TOR1AIP2: variants seen among roughly 807,000 people sequenced by gnomAD.
The protein encoded by TOR1AIP2 is torsin-1A-interacting protein 2.
In TOR1AIP2, 20 loss-of-function variants were observed where a neutral mutation model predicts 32.6. That is an observed-to-expected ratio of 0.61 (90% confidence interval 0.43 to 0.89). The LOEUF (loss-of-function observed/expected upper bound fraction) is 0.89, where lower values mean the gene tolerates loss of function less well. Ranked by LOEUF, TOR1AIP2 falls within the 40% of genes least tolerant of loss-of-function variation. The pLI is 0.00. For missense variants in TOR1AIP2, 456 were observed against 553.8 expected, an observed-to-expected ratio of 0.82 and a Z score of 1.77; for synonymous variants, 214 against 210.8, an observed-to-expected ratio of 1.02 and a Z score of -0.13.
intron 3 of TOR1AIP2, chr1:179,859,256 C>T (rs1019055324): frequency 2.3e-6 from 2 of 861,986 alleles, no homozygotes; most frequent in Non-Finnish European, 2.8e-6. Context: ...TTTATTAACT[C>T]GTTTAATCTT....
intron 3 of TOR1AIP2, among the ~76,000 whole-genome samples, chr1:179,854,822 G>A (rs1696238151): frequency 1.3e-5 from 2 of 152,180 alleles, no homozygotes; most frequent in South Asian, 4.1e-4. Context: ...AGTGAGCCCA[G>A]ATTGCACCAC....
At position 179,843,584 on chromosome 1, in the gene TOR1AIP2, C is replaced by T. The variant is rs190440862; in HGVS notation, c.*2487G>A. 7.4e-5 allele frequency: 11 copies of T among 148,576 alleles called. No individual in the cohort carries two copies. In the East Asian group the frequency reaches 1.4e-3, roughly 19 times the overall value. 9.2% of individuals were successfully genotyped at this position (148,576 alleles called of 1,614,324 possible). A position where few individuals can be genotyped will look rare whatever the true frequency, so the allele number is the denominator to read the frequency against. On this transcript the variant is annotated 3_prime_UTR_variant, in exon 7 of 7. Coordinates refer to ENST00000609928, the MANE Select transcript of TOR1AIP2 (RefSeq NM_001199260.2). ...CATCTGTAATCCAAACACTTTGGGA[C>T]GCTGAGGTGGGAGGATCACTTGAGG...
Position 179,846,796 on chromosome 1 carries a change from C to A in TOR1AIP2, c.688G>T (p.Val230Phe). 1.2e-6 allele frequency: 2 copies of A among 1,606,380 alleles called. No homozygotes were observed. Reference protein sequence around the residue: ...PVILVVLVVAVVASSVNSYYS... With the variant: ...PVILVVLVVAFVASSVNSYYS... Reference sequence around the variant, plus strand: ...TAGCTATTCACAGAACTTGCCACAACAGCCACAACCAGGACGACAAGAATC... The same window carrying A: ...TAGCTATTCACAGAACTTGCCACAAAAGCCACAACCAGGACGACAAGAATC... Residue 230 changes from valine to phenylalanine, a missense_variant, in exon 7 of 7, where the codon GTT (valine) becomes TTT (phenylalanine). Physicochemically the swap from Val to Phe is conservative, Grantham distance 50. Coordinates refer to ENST00000609928, the MANE Select transcript of TOR1AIP2 (RefSeq NM_001199260.2).
chr1:179,859,512 A>C (rs1696430903), intron 3 of TOR1AIP2: 1 of 985,296 alleles, frequency 1.0e-6, no homozygotes, highest in African/African-American at 1.7e-5. Flanking sequence ...ACTCCAGTAC[A>C]TATGACCTGA....
intron 3 of TOR1AIP2, chr1:179,862,221 CTGA>C: frequency 1.0e-6 from 1 of 982,320 alleles, no homozygotes; most frequent in Non-Finnish European, 1.2e-6. Flanking sequence ...CTCTATTTTG[CTGA>C]TATTTAAATT....
intron 6 of TOR1AIP2, 105 bp from the exon 7 acceptor site, chr1:179,846,933 G>A: frequency 8.1e-7 from 1 of 1,231,772 alleles, no homozygotes; most frequent in Non-Finnish European, 1.1e-6. Flanking sequence ...GGTTTTACTA[G>A]GAGCAATAAG....
Position 179,859,619 on chromosome 1 carries a change from A to T in TOR1AIP2, c.-147+5817T>A, listed in dbSNP as rs577883591. The stretch of plus-strand genomic sequence containing the variant: ...AATTTGTTTATTTCAGTGTTGTGGA[A>T]AGTCTCAGGTGATAAAAGTCATACA... On this transcript the variant is annotated intron_variant, in intron 3 of 6. Transcript: ENST00000609928. 33 of 985,414 alleles carry T rather than the reference A, an allele frequency of 3.3e-5. No individual in the cohort carries two copies. The African/African-American group carries it at 5.2e-4, about 16-fold the overall frequency. The allele number at this position is 985,414 out of a possible 1,614,324, so 61.0% of individuals were successfully genotyped here.
chr1:179,852,545 C>G, intron 4 of TOR1AIP2, 87 bp downstream of exon 4: 2 of 1,417,320 alleles, frequency 1.4e-6, no homozygotes. Context: ...TTCAAAACCT[C>G]AGATTTTAGT....
intron 3 of TOR1AIP2, chr1:179,860,657 C>A: frequency 1.0e-6 from 1 of 984,782 alleles, no homozygotes. Flanking sequence ...ATTACACAAC[C>A]TTTTTCACAG....
At chr1:179,859,407 G>T (rs2148439758) in intron 3 of TOR1AIP2, 2 of 985,336 alleles carry the variant, frequency 2.0e-6, no homozygotes, top group East Asian at 1.1e-4. Flanking sequence ...AGGTAGTCTA[G>T]CTGTGGGACC....
At position 179,866,234 on chromosome 1, in the gene TOR1AIP2, C is replaced by T. The variant is rs541745599; in HGVS notation, c.-565-380G>A. Among the ~76,000 whole-genome samples, 90 of 150,006 alleles carry T rather than the reference C, an allele frequency of 6.0e-4. No homozygotes were observed. In the Middle Eastern group the frequency reaches 0.028, roughly 47 times the overall value. ...ATGGGATAACATTAATGATGACAGC[C>T]TTTCCATAATAGGTTTCAATCCATC... On this transcript the variant is annotated intron_variant, in intron 2 of 6. Transcript: ENST00000609928.
At chr1:179,876,384 T>C (rs1335096295) in intron 2 of TOR1AIP2, among the ~76,000 whole-genome samples, 1 of 152,122 alleles carries the variant, frequency 6.6e-6, no homozygotes, top group Non-Finnish European at 1.5e-5. Flanking sequence ...GGAAAGAAAC[T>C]AGATAAAATA....
At chr1:179,858,477 T>C (rs1313803231) in intron 3 of TOR1AIP2, among the ~76,000 whole-genome samples, 2 of 152,228 alleles carry the variant, frequency 1.3e-5, no homozygotes, top group African/African-American at 4.8e-5. Context: ...AATGTTCATA[T>C]ATTTTAGATC....
intron 2 of TOR1AIP2, chr1:179,868,892 G>T (rs1279973555): frequency 6.6e-6 from 1 of 152,184 alleles, no homozygotes; most frequent in Non-Finnish European, 1.5e-5. Flanking sequence ...GCTCAGGCTG[G>T]AGGGCAATGG....
rs1414791875 is a variant in TOR1AIP2 at position 179,840,299 on chromosome 1, G to A, written c.*5772C>T. On this transcript the variant is annotated 3_prime_UTR_variant, in exon 7 of 7. Transcript: ENST00000609928. ...CTCAGGCCTAGAAGGAACACAGAGA[G>A]TAGGGCTGTGACTGCCGGGGGCTTG... 2 of 152,250 alleles carry A rather than the reference G, an allele frequency of 1.3e-5. No homozygotes were observed. Among genetic ancestry groups the A allele is most frequent in the Non-Finnish European group, 1.5e-5 (1 of 68,048 alleles). The allele number at this position is 152,250 out of a possible 1,614,324, so 9.4% of individuals were successfully genotyped here.
chr1:179,851,645 A>G (rs1202511320), intron 4 of TOR1AIP2, among the ~76,000 whole-genome samples: 1 of 152,182 alleles, frequency 6.6e-6, no homozygotes, highest in Non-Finnish European at 1.5e-5. Flanking sequence ...ATGAAAGGCA[A>G]TGCTCATCAA....
chr1:179,862,560 C>A, intron 3 of TOR1AIP2: 1 of 985,440 alleles, frequency 1.0e-6, no homozygotes, highest in Non-Finnish European at 1.2e-6. Context: ...TAACAAATAA[C>A]TTCAGGTTTC....
intron 3 of TOR1AIP2, chr1:179,859,338 A>G: frequency 2.2e-6 from 2 of 915,732 alleles, no homozygotes; most frequent in South Asian, 5.0e-5. Context: ...GAGATACAGA[A>G]AAGTTAAGAA....
At chr1:179,851,420 T>C in intron 4 of TOR1AIP2, 57 bp from the exon 5 acceptor site, 3 of 1,261,466 alleles carry the variant, frequency 2.4e-6, no homozygotes, top group Non-Finnish European at 3.2e-6. Flanking sequence ...AAATTTATAT[T>C]TTAACAAGGT....
Sources: allele counts gnomAD v4.1 joint callset (sites outside exome capture counted in the v4.1 genomes callset), GRCh38; gene constraint gnomAD v4.1.1; transcripts MANE v1.5; gene names NCBI Gene and HGNC (gene_info 2026-07-23, HGNC 2026-07-21).